The following SLC9A9 variants were observed in gnomAD, a reference collection of about 807,000 sequenced individuals.
The protein encoded by SLC9A9 is solute carrier family 9 member A9, also known as sodium/hydrogen exchanger 9.
Under a neutral mutation model 77.8 loss-of-function variants are expected in SLC9A9, and 62 were observed. The observed-to-expected ratio is 0.80, with a 90% confidence interval of 0.65 to 0.98. The LOEUF (loss-of-function observed/expected upper bound fraction) is 0.98, where lower values mean the gene tolerates loss of function less well. SLC9A9 is among the 50% of genes least tolerant of loss of function. SLC9A9 has a pLI of 0.00. For missense variants in SLC9A9, 775 were observed against 774.9 expected, an observed-to-expected ratio of 1.00 and a Z score of 0.00; for synonymous variants, 320 against 283.5, an observed-to-expected ratio of 1.13 and a Z score of -1.29.
At chr3:143,811,649 C>T (rs1297495899) in intron 2 of SLC9A9, 3 of 453,468 alleles carry the variant, frequency 6.6e-6, no homozygotes, top group Non-Finnish European at 1.3e-5. Flanking sequence ...AGTTTGAGAC[C>T]AGCCCAGCCA....
intron 6 of SLC9A9, among the ~76,000 whole-genome samples, chr3:143,608,477 C>G (rs961378162): frequency 6.6e-6 from 1 of 152,158 alleles, no homozygotes; most frequent in Non-Finnish European, 1.5e-5. Context: ...GAGTCACACA[C>G]CAGGATAGTG....
At chr3:143,583,658 G>A (rs895869423) in intron 6 of SLC9A9, among the ~76,000 whole-genome samples, 1 of 152,148 alleles carries the variant, frequency 6.6e-6, no homozygotes, top group Non-Finnish European at 1.5e-5. Context: ...ACCACACTGG[G>A]TTGCTATGAG....
intron 6 of SLC9A9, among the ~76,000 whole-genome samples, chr3:143,599,892 A>G (rs1162884424): frequency 6.6e-6 from 1 of 152,148 alleles, no homozygotes; most frequent in African/African-American, 2.4e-5. Context: ...CCAAATCAAA[A>G]CAAAAAATTC....
chr3:143,686,240 G>A (rs920351026), intron 5 of SLC9A9, among the ~76,000 whole-genome samples: 23 of 152,128 alleles, frequency 1.5e-4, no homozygotes, highest in African/African-American at 5.5e-4. Context: ...TTAAAAGCTC[G>A]CTGTTCTAGA....
chr3:143,349,880 C>T (rs1425224962), intron 14 of SLC9A9, among the ~76,000 whole-genome samples: 1 of 152,116 alleles, frequency 6.6e-6, no homozygotes, highest in Non-Finnish European at 1.5e-5. Flanking sequence ...TAGAGCATCC[C>T]CCTATGAGAG....
intron 10 of SLC9A9, among the ~76,000 whole-genome samples, chr3:143,494,925 T>C (rs2035807536): frequency 6.6e-6 from 1 of 152,240 alleles, no homozygotes. Flanking sequence ...TTTATCATCT[T>C]GCAATGAAAA....
chr3:143,389,478 G>C (rs1576464838), intron 12 of SLC9A9, among the ~76,000 whole-genome samples: 1 of 152,326 alleles, frequency 6.6e-6, no homozygotes, highest in East Asian at 1.9e-4. Context: ...TTCTACTCCA[G>C]ACACTTGAAT....
At position 143,283,893 on chromosome 3, in the gene SLC9A9, T is replaced by C. The variant is rs1938296558; in HGVS notation, c.1605-14913A>G. On this transcript the variant is annotated intron_variant, in intron 14 of 15. Coordinates refer to ENST00000316549, the MANE Select transcript of SLC9A9 (RefSeq NM_173653.4). Reference sequence around the variant, plus strand: ...TCTATTAAAACCACTCAAGTTTTATTGGCACGAACAGGTATGATCCTTTGG... The same window carrying C: ...TCTATTAAAACCACTCAAGTTTTATCGGCACGAACAGGTATGATCCTTTGG... Among the ~76,000 whole-genome samples the C allele has an allele frequency of 3.9e-5, 6 of 152,216 alleles. No individual in the cohort carries two copies. The South Asian group carries it at 1.2e-3, about 31-fold the overall frequency.
At chr3:143,366,446 G>C (rs1415963131) in intron 13 of SLC9A9, among the ~76,000 whole-genome samples, 1 of 152,154 alleles carries the variant, frequency 6.6e-6, no homozygotes, top group African/African-American at 2.4e-5. Context: ...ATGTTTTTCT[G>C]CAAGTATCTA....
chr3:143,428,100 A>G (rs1348172912), intron 12 of SLC9A9, among the ~76,000 whole-genome samples: 1 of 152,214 alleles, frequency 6.6e-6, no homozygotes, highest in Non-Finnish European at 1.5e-5. Context: ...ATCAAGCCCA[A>G]AAGCTTCTGC....
intron 9 of SLC9A9, 28 bp downstream of exon 9, chr3:143,552,334 C>G (rs1525862): frequency 0.14 from 211,969 of 1,539,008 alleles, 15,415 homozygotes; most frequent in East Asian, 0.16. Context: ...GAAAAGAGAC[C>G]AAGTCTGTAG....
chr3:143,711,905 A>G (rs989227697), intron 4 of SLC9A9, among the ~76,000 whole-genome samples: 1 of 152,218 alleles, frequency 6.6e-6, no homozygotes, highest in African/African-American at 2.4e-5. Flanking sequence ...GGCTAGAGCT[A>G]CATGGGGCTA....
intron 4 of SLC9A9, among the ~76,000 whole-genome samples, chr3:143,709,395 T>G (rs1019053438): frequency 2.0e-5 from 3 of 152,044 alleles, no homozygotes; most frequent in Non-Finnish European, 4.4e-5. Context: ...ACTAAGCACC[T>G]GGGGATCAGG....
In SLC9A9 at chr3:143,267,495, A is replaced by G. The variant is rs189107260; in HGVS notation, c.1711-566T>C. Among the ~76,000 whole-genome samples the G allele has an allele frequency of 1.1e-4, 17 of 152,034 alleles. 2 individuals carry two copies. The highest frequency in any genetic ancestry group is 2.2e-4 in the African/African-American group (9 of 41,468). ...CTCGCGAGTAGCTGGGATTACAGGC[A>G]TGTGCCACCATCACATCTGGCTAAT... On this transcript the variant is annotated intron_variant, in intron 15 of 15. Coordinates refer to ENST00000316549, the MANE Select transcript of SLC9A9 (RefSeq NM_173653.4).
At chr3:143,672,946 C>T (rs1354098357) in intron 5 of SLC9A9, among the ~76,000 whole-genome samples, 1 of 152,032 alleles carries the variant, frequency 6.6e-6, no homozygotes, top group Non-Finnish European at 1.5e-5. Context: ...CCTGAGCAGC[C>T]GTAACCATAG....
intron 9 of SLC9A9, among the ~76,000 whole-genome samples, chr3:143,505,199 C>T (rs1362134384): frequency 6.6e-6 from 1 of 152,072 alleles, no homozygotes; most frequent in Non-Finnish European, 1.5e-5. Flanking sequence ...CCATCCAAGC[C>T]AACCCCTCCT....
intron 12 of SLC9A9, among the ~76,000 whole-genome samples, chr3:143,392,379 C>A (rs779640540): frequency 5.3e-5 from 8 of 152,160 alleles, no homozygotes; most frequent in Admixed American, 1.3e-4. Context: ...GAAATAAAAT[C>A]GTTTACAGAC....
intron 12 of SLC9A9, among the ~76,000 whole-genome samples, chr3:143,433,895 C>T (rs1410905517): frequency 6.6e-6 from 1 of 152,174 alleles, no homozygotes; most frequent in East Asian, 1.9e-4. Context: ...CCTATATCTT[C>T]TATACCTTTG....
chr3:143,800,562 C>T (rs2008523168), intron 2 of SLC9A9, among the ~76,000 whole-genome samples: 1 of 152,210 alleles, frequency 6.6e-6, no homozygotes, highest in Admixed American at 6.5e-5. Context: ...TATTCCCCTG[C>T]ACCACTTATC....
Sources: allele counts gnomAD v4.1 joint callset (sites outside exome capture counted in the v4.1 genomes callset), GRCh38; gene constraint gnomAD v4.1.1; transcripts MANE v1.5; gene names NCBI Gene and HGNC (gene_info 2026-07-23, HGNC 2026-07-21).